Variants in FRYL observed in about 807,000 individuals in gnomAD.
FRYL encodes the protein protein furry homolog-like.
Under a neutral mutation model 351.2 loss-of-function variants are expected in FRYL, and 150 were observed. The ratio of observed to expected loss-of-function variants is 0.43; its 90% CI spans 0.37 to 0.49. FRYL has a LOEUF of 0.49. Ranked by LOEUF, FRYL falls within the 20% of genes least tolerant of loss-of-function variation. FRYL has a pLI of 0.00. For missense variants in FRYL, 3,036 were observed against 3,619.3 expected (o/e 0.84, Z 4.13); for synonymous variants, 1,153 against 1,257.1 (o/e 0.92, Z 1.75).
intron 47 of FRYL, 45 bp from the exon 48 acceptor site, chr4:48,535,872 C>T: frequency 7.4e-7 from 1 of 1,346,118 alleles, no homozygotes; most frequent in Admixed American, 2.7e-5. Flanking sequence ...AATAAAGACA[C>T]AAGTTTAACT....
In FRYL at chr4:48,557,518, C is replaced by G. The variant is rs1036116948; in HGVS notation, c.4060G>C (p.Glu1354Gln). 5.6e-6 allele frequency: 9 copies of G among 1,614,052 alleles called. No individual in the cohort carries two copies. The highest frequency in any genetic ancestry group is 7.6e-6 in the Non-Finnish European group (9 of 1,180,022). The change falls in exon 34 of 64, where the codon GAA (glutamate) becomes CAA (glutamine). Residue 1354 changes from glutamate to glutamine, a missense_variant. This residue lies in a region of FRYL where 1,987 missense variants were observed against 2,311.7 expected (regional missense o/e 0.86). Coordinates refer to ENST00000358350, the MANE Select transcript of FRYL (RefSeq NM_015030.2). Reference sequence around the variant, plus strand: ...GTGGCTTGTGGAGATCCCCATCCTTCTCCCCGTAACCAGCGCCTACTAGTC... The same window carrying G: ...GTGGCTTGTGGAGATCCCCATCCTTGTCCCCGTAACCAGCGCCTACTAGTC... ...MVTSRRWLRG[E>Q]GWGSPQATAM... is the part of the protein sequence containing the mutation.
chr4:48,759,666 T>C (rs1478587378), intron 1 of FRYL, among the ~76,000 whole-genome samples: 1 of 151,864 alleles, frequency 6.6e-6, no homozygotes, highest in African/African-American at 2.4e-5. Flanking sequence ...CCCAGGCTGG[T>C]CTCAAACTCC....
At chr4:48,536,492 A>C (rs1728918520) in intron 47 of FRYL, among the ~76,000 whole-genome samples, 1 of 152,174 alleles carries the variant, frequency 6.6e-6, no homozygotes, top group Non-Finnish European at 1.5e-5. Flanking sequence ...TGTTTGTTTG[A>C]TACAATATTA....
chr4:48,764,233 C>T (rs1382242210), intron 1 of FRYL, among the ~76,000 whole-genome samples: 1 of 151,742 alleles, frequency 6.6e-6, no homozygotes, highest in Non-Finnish European at 1.5e-5. Context: ...AATCAACAGA[C>T]ACAAATTAAT....
intron 7 of FRYL, among the ~76,000 whole-genome samples, chr4:48,610,910 G>C (rs1206225877): frequency 6.6e-6 from 1 of 150,876 alleles, no homozygotes; most frequent in Non-Finnish European, 1.5e-5. Context: ...CCCTATTAAT[G>C]AACATTTCAA....
chr4:48,564,772 T>C (rs999569041), intron 30 of FRYL, among the ~76,000 whole-genome samples, 161 bp downstream of exon 30: 3 of 152,214 alleles, frequency 2.0e-5, no homozygotes, highest in African/African-American at 4.8e-5. Flanking sequence ...GGAACGTTTT[T>C]ACATTATGGG....
In FRYL at chr4:48,551,503, A is replaced by G. The variant is rs748782712; in HGVS notation, c.4511T>C (p.Ile1504Thr). The change falls in exon 37 of 64, where the codon ATT (isoleucine) becomes ACT (threonine). Residue 1504 changes from isoleucine (I) to threonine (T), a missense_variant. Ile to Thr is a moderately conservative substitution (Grantham distance 89). Transcript: ENST00000358350. ...ACAGAGAAGTACTTACCTCTCTTCA[A>G]TATTCTCTTTAATGGGCTTATTATC... The part of the protein sequence containing the change: ...NPDNKPIKEN[I>T]EESYVHLDIY... 2 of 1,600,506 alleles carry G rather than the reference A, an allele frequency of 1.2e-6. No homozygotes were observed. The highest frequency in any genetic ancestry group is 3.3e-5 in the Admixed American group (2 of 59,910).
chr4:48,686,822 T>C (rs974517507), intron 2 of FRYL, among the ~76,000 whole-genome samples: 2 of 152,262 alleles, frequency 1.3e-5, no homozygotes, highest in Admixed American at 6.5e-5. Flanking sequence ...CATGGCACTA[T>C]GTCACTTTAA....
At chr4:48,511,073 TTATTTTAAAATTA>T (rs1266015144) in intron 57 of FRYL, 89 bp from the exon 58 acceptor site, 8 of 732,092 alleles carry the variant, frequency 1.1e-5, no homozygotes, top group Non-Finnish European at 1.6e-5. Flanking sequence ...GGGTAGACTT[TTATTTTAAAATTA>T]TAATGATATA....
At chr4:48,701,399 C>T (rs1578763305) in intron 2 of FRYL, among the ~76,000 whole-genome samples, 1 of 152,104 alleles carries the variant, frequency 6.6e-6, no homozygotes, top group East Asian at 1.9e-4. Flanking sequence ...AGTATAGTTA[C>T]ACAATACTAA....
In FRYL at chr4:48,557,604, G is replaced by A; in HGVS notation, c.3974C>T (p.Pro1325Leu). The part of the protein sequence containing the change: ...NIELVDLKPL[P>L]TARRHDEDED... ...ATCTTCATCATGTCGCCTTGCTGTG[G>A]GGAGAGGTTTTAAGTCCACCAGCTC... The change falls in exon 34 of 64, where the codon CCC becomes CTC. Residue 1325 changes from proline (P) to leucine (L), a missense_variant. This residue lies in a region of FRYL where 1,987 missense variants were observed against 2,311.7 expected (regional missense o/e 0.86). Transcript: ENST00000358350. The A allele has an allele frequency of 6.2e-7, 1 of 1,614,126 alleles. No homozygotes were observed. Among genetic ancestry groups the A allele is most frequent in the South Asian group, 1.1e-5 (1 of 91,074 alleles).
intron 1 of FRYL, among the ~76,000 whole-genome samples, chr4:48,723,621 A>G (rs1255532093): frequency 6.6e-6 from 1 of 151,888 alleles, no homozygotes; most frequent in Non-Finnish European, 1.5e-5. Flanking sequence ...TGTCAACCCT[A>G]TTTTCAAAAT....
chr4:48,760,484 TAAAG>T (rs1010126264), intron 1 of FRYL, among the ~76,000 whole-genome samples: 1 of 152,172 alleles, frequency 6.6e-6, no homozygotes, highest in African/African-American at 2.4e-5. Context: ...AGTCTGCAAA[TAAAG>T]AGTTTTACTT....
chr4:48,542,669 G>A (rs1730478041), intron 44 of FRYL, among the ~76,000 whole-genome samples: 1 of 152,182 alleles, frequency 6.6e-6, no homozygotes, highest in Non-Finnish European at 1.5e-5. Flanking sequence ...ACCCGTTTCA[G>A]CCTCCCAAAG....
At chr4:48,696,965 C>T (rs1766250113) in intron 2 of FRYL, among the ~76,000 whole-genome samples, 1 of 151,862 alleles carries the variant, frequency 6.6e-6, no homozygotes, top group South Asian at 2.1e-4. Context: ...ACAATCTCTG[C>T]TTTTGTCTTA....
At chr4:48,721,185 T>C (rs1769429438) in intron 1 of FRYL, among the ~76,000 whole-genome samples, 1 of 152,184 alleles carries the variant, frequency 6.6e-6, no homozygotes, top group Non-Finnish European at 1.5e-5. Flanking sequence ...TATATACTTA[T>C]TTAATTCCTT....
chr4:48,702,613 A>C, intron 2 of FRYL, among the ~76,000 whole-genome samples: 1 of 151,448 alleles, frequency 6.6e-6, no homozygotes, highest in East Asian at 1.9e-4. Flanking sequence ...AATACAAAAA[A>C]TTAGCCGGGC....
intron 19 of FRYL, 26 bp downstream of exon 19, chr4:48,586,595 T>G: frequency 2.1e-6 from 3 of 1,439,606 alleles, no homozygotes; most frequent in Non-Finnish European, 2.9e-6. Flanking sequence ...CATAAAACAA[T>G]ATAGCAAACA....
At chr4:48,534,498 T>C in intron 49 of FRYL, 47 bp downstream of exon 49, 1 of 1,425,574 alleles carries the variant, frequency 7.0e-7, no homozygotes, top group Non-Finnish European at 9.7e-7. Context: ...TGATTATAAA[T>C]CATTTTTAGA....
Sources: gnomAD v4.1 joint callset for allele counts (sites outside exome capture counted in the v4.1 genomes callset) on GRCh38, gnomAD v4.1.1 for gene constraint, gnomAD v4.1.1 regional missense constraint, MANE v1.5 for transcripts, NCBI Gene and HGNC (gene_info 2026-07-23, HGNC 2026-07-21) for gene names.